The following DGKB variants were observed in gnomAD, a reference collection of about 807,000 sequenced individuals.
The protein encoded by DGKB is diacylglycerol kinase beta, also known as 90 kDa diacylglycerol kinase.
A neutral mutation model predicts 114.3 loss-of-function variants in DGKB; 67 were observed. The ratio of observed to expected loss-of-function variants is 0.59; its 90% CI spans 0.48 to 0.72. DGKB has a LOEUF of 0.72. DGKB is among the 30% of genes least tolerant of loss of function. DGKB has a pLI of 0.00. For synonymous variants in DGKB, 398 were observed against 323.1 expected, an observed-to-expected ratio of 1.23 and a Z score of -2.49; for missense variants, 907 against 975.2, an observed-to-expected ratio of 0.93 and a Z score of 0.93.
intron 21 of DGKB, among the ~76,000 whole-genome samples, chr7:14,377,559 G>T (rs1818694309): frequency 6.6e-6 from 1 of 152,160 alleles, no homozygotes; most frequent in African/African-American, 2.4e-5. Context: ...GGACAGGTAT[G>T]AAAACACTTG....
intron 21 of DGKB, among the ~76,000 whole-genome samples, chr7:14,466,658 A>C (rs958117291): frequency 3.0e-5 from 4 of 132,324 alleles, no homozygotes; most frequent in Non-Finnish European, 3.4e-5. Flanking sequence ...AAAAAAAAAA[A>C]AACACAAAAA....
rs753058349 is a variant in DGKB at position 14,149,115 on chromosome 7, G to A, written c.*16C>T. The A allele has an allele frequency of 1.2e-6, 2 of 1,603,904 alleles. No individual in the cohort carries two copies. The highest frequency in any genetic ancestry group is 1.1e-5 in the South Asian group (1 of 90,834). On this transcript the variant is annotated 3_prime_UTR_variant, in exon 26 of 26. Transcript: ENST00000402815. ...AATTATGCTAATTCAATTTCTAAGA[G>A]TGAAACAACACAGGATTATTCCTTG... is the stretch of plus-strand genomic sequence containing the variant.
At chr7:14,964,509 T>C (rs1417476967) in intron 1 of DGKB, among the ~76,000 whole-genome samples, 1 of 151,986 alleles carries the variant, frequency 6.6e-6, no homozygotes, top group Non-Finnish European at 1.5e-5. Context: ...CAAAAATAAA[T>C]AAATAAGATA....
intron 21 of DGKB, among the ~76,000 whole-genome samples, chr7:14,461,718 T>A (rs1833108788): frequency 6.6e-6 from 1 of 151,560 alleles, no homozygotes; most frequent in Non-Finnish European, 1.5e-5. Context: ...CTATTCCAGG[T>A]GATAGAAAAA....
chr7:14,362,450 T>C (rs2128632537), intron 21 of DGKB, among the ~76,000 whole-genome samples: 1 of 152,198 alleles, frequency 6.6e-6, no homozygotes, highest in East Asian at 1.9e-4. Context: ...AACAAGTATT[T>C]AATGAATACC....
intron 25 of DGKB, among the ~76,000 whole-genome samples, chr7:14,170,145 A>AG (rs1554271984): frequency 1.0e-5 from 1 of 99,998 alleles, no homozygotes. Context: ...AAAAAAAAAA[A>AG]AAAGAAAGAA....
At position 14,554,784 on chromosome 7, in the gene DGKB, T is replaced by TA. The variant is rs1230445601; in HGVS notation, c.1770+19427dup. 2.0e-5 allele frequency among the ~76,000 whole-genome samples: 3 copies of TA among 152,274 alleles called. No individual in the cohort carries two copies. The East Asian group carries it at 5.8e-4, about 29-fold the overall frequency. On this transcript the variant is annotated intron_variant, in intron 20 of 25. Coordinates refer to ENST00000402815, the MANE Select transcript of DGKB (RefSeq NM_001350709.2). ...ATTGCATAATTTTATCGTTCATTGT[T>TA]AACTAAAAATATTAGGGATTTTTTT...
At chr7:14,788,677 G>T (rs1840231438) in intron 2 of DGKB, among the ~76,000 whole-genome samples, 1 of 152,032 alleles carries the variant, frequency 6.6e-6, no homozygotes, top group Admixed American at 6.5e-5. Context: ...ACTTCCCCTG[G>T]AAAACACAAT....
intron 6 of DGKB, among the ~76,000 whole-genome samples, chr7:14,708,499 A>C (rs1045911497): frequency 6.6e-6 from 1 of 151,180 alleles, no homozygotes; most frequent in Non-Finnish European, 1.5e-5. Context: ...GAGAGACGGC[A>C]TCGCCAAGTG....
At chr7:14,158,849 T>G (rs1783434536) in intron 25 of DGKB, among the ~76,000 whole-genome samples, 1 of 152,192 alleles carries the variant, frequency 6.6e-6, no homozygotes, top group Admixed American at 6.6e-5. Context: ...AGATCATCCT[T>G]GACACCTTCT....
intron 23 of DGKB, among the ~76,000 whole-genome samples, chr7:14,330,022 C>T (rs1308892908): frequency 6.6e-6 from 1 of 151,952 alleles, no homozygotes; most frequent in Non-Finnish European, 1.5e-5. Context: ...CCACTGATAT[C>T]AGATATCAAG....
intron 1 of DGKB, among the ~76,000 whole-genome samples, chr7:14,865,855 T>C (rs545375412): frequency 3.9e-5 from 6 of 152,270 alleles, no homozygotes; most frequent in Admixed American, 3.9e-4. Context: ...GATAGAGGAC[T>C]TTGTATGGCT....
rs1815771496 is a variant in DGKB at position 14,361,680 on chromosome 7, T to A, written c.1836-16289A>T. Among the ~76,000 whole-genome samples the A allele has an allele frequency of 2.0e-5, 3 of 152,022 alleles. No individual in the cohort carries two copies. The South Asian group carries it at 6.2e-4, about 31-fold the overall frequency. On this transcript the variant is annotated intron_variant, in intron 21 of 25. Transcript: ENST00000402815. ...GTAAAGGAAACATCCCCTCTCTTTTTCTCTCCAATATTATCTACTATTTTT... is the reference window on the plus strand; with the variant it reads ...GTAAAGGAAACATCCCCTCTCTTTTACTCTCCAATATTATCTACTATTTTT...
intron 23 of DGKB, among the ~76,000 whole-genome samples, chr7:14,270,306 A>G (rs1243805735): frequency 6.6e-6 from 1 of 152,068 alleles, no homozygotes; most frequent in Non-Finnish European, 1.5e-5. Context: ...CTGCTTACTC[A>G]TAGTTTCTGC....
chr7:14,246,942 A>C (rs1683597288), intron 23 of DGKB, among the ~76,000 whole-genome samples: 2 of 152,158 alleles, frequency 1.3e-5, no homozygotes, highest in Admixed American at 1.3e-4. Context: ...TTCATCCTGC[A>C]AAACTAAAGC....
chr7:14,533,925 G>A (rs1792004001), intron 20 of DGKB, among the ~76,000 whole-genome samples: 1 of 151,950 alleles, frequency 6.6e-6, no homozygotes, highest in Non-Finnish European at 1.5e-5. Flanking sequence ...AGTTCTTCAA[G>A]TTCAAATGAA....
At chr7:14,923,496 G>T (rs962356009) in intron 1 of DGKB, among the ~76,000 whole-genome samples, 70 of 152,220 alleles carry the variant, frequency 4.6e-4, no homozygotes, top group African/African-American at 1.5e-3. Flanking sequence ...ATGCAAGTTA[G>T]AAGACAAATT....
intron 1 of DGKB, among the ~76,000 whole-genome samples, chr7:14,958,812 G>A (rs542036859): frequency 1.2e-4 from 19 of 152,146 alleles, no homozygotes; most frequent in East Asian, 1.2e-3. Flanking sequence ...CCCACATAGC[G>A]TGCTGGAATC....
At chr7:14,790,074 C>A (rs1285061028) in intron 2 of DGKB, among the ~76,000 whole-genome samples, 1 of 152,172 alleles carries the variant, frequency 6.6e-6, no homozygotes, top group Non-Finnish European at 1.5e-5. Flanking sequence ...TGCTTATTTA[C>A]CATCTGAATA....
Sources: allele counts gnomAD v4.1 joint callset (sites outside exome capture counted in the v4.1 genomes callset), GRCh38; gene constraint gnomAD v4.1.1; transcripts MANE v1.5; gene names NCBI Gene and HGNC (gene_info 2026-07-23, HGNC 2026-07-21).